NALCN: variants seen among roughly 807,000 people sequenced by gnomAD.
The protein encoded by NALCN is sodium leak channel NALCN.
A neutral mutation model predicts 225.3 loss-of-function variants in NALCN; 111 were observed. The ratio of observed to expected loss-of-function variants is 0.49; its 90% confidence interval spans 0.42 to 0.58. The LOEUF is 0.58. Ranked by LOEUF, NALCN falls within the 20% of genes least tolerant of loss-of-function variation. The pLI is 0.00. For synonymous variants in NALCN, 764 were observed against 769.0 expected (o/e 0.99, Z 0.11); for missense variants, 1,378 against 2,202.4 (o/e 0.63, Z 7.49).
chr13:101,282,987 G>A (rs930648923), intron 10 of NALCN, among the ~76,000 whole-genome samples: 89 of 152,138 alleles, frequency 5.8e-4, no homozygotes, highest in African/African-American at 2.0e-3. Flanking sequence ...CTCATCCCAC[G>A]GCAGATGTGA....
At chr13:101,377,974 C>T (rs1241424197) in intron 4 of NALCN, among the ~76,000 whole-genome samples, 1 of 152,058 alleles carries the variant, frequency 6.6e-6, no homozygotes, top group East Asian at 1.9e-4. Context: ...TTCCCCATCA[C>T]TTATAATAAA....
At chr13:101,121,344 T>A (rs572587098) in intron 18 of NALCN, among the ~76,000 whole-genome samples, 1 of 152,208 alleles carries the variant, frequency 6.6e-6, no homozygotes, top group South Asian at 2.1e-4. Flanking sequence ...CAAATACTTG[T>A]TATTTTTTGG....
chr13:101,134,818 C>T (rs2036691127), intron 17 of NALCN, among the ~76,000 whole-genome samples: 1 of 152,092 alleles, frequency 6.6e-6, no homozygotes, highest in African/African-American at 2.4e-5. Context: ...AATAATGAAA[C>T]TGTGCAAAAA....
Position 101,124,692 on chromosome 13 carries a change from TAA to T in NALCN, c.2119-13_2119-12del, listed in dbSNP as rs750732791. 7.4e-6 allele frequency: 12 copies of T among 1,612,282 alleles called. No individual in the cohort carries two copies. The highest frequency in any genetic ancestry group is 1.3e-5 in the African/African-American group (1 of 74,864). Reference sequence around the variant, plus strand: ...AACAGACTTGCGAAGCTGAAAATGATAAGAGTATGACTTTTAGTTTTGGAATG... The same window carrying T: ...AACAGACTTGCGAAGCTGAAAATGATGAGTATGACTTTTAGTTTTGGAATG... On this transcript the variant is annotated splice_polypyrimidine_tract_variant and intron_variant, in intron 17 of 43. Coordinates refer to ENST00000251127, the MANE Select transcript of NALCN (RefSeq NM_052867.4).
intron 11 of NALCN, among the ~76,000 whole-genome samples, chr13:101,255,708 G>A (rs1445353383): frequency 1.3e-5 from 2 of 152,002 alleles, no homozygotes; most frequent in African/African-American, 4.8e-5. Context: ...TCTCTCCTAC[G>A]TTAAATAATG....
intron 7 of NALCN, among the ~76,000 whole-genome samples, chr13:101,336,206 C>T (rs1241294025): frequency 6.6e-6 from 1 of 152,034 alleles, no homozygotes; most frequent in Admixed American, 6.6e-5. Flanking sequence ...CAGAACTCCA[C>T]CAGTGATGAA....
At chr13:101,354,572 G>C (rs1353363002) in intron 6 of NALCN, among the ~76,000 whole-genome samples, 2 of 152,138 alleles carry the variant, frequency 1.3e-5, no homozygotes, top group South Asian at 2.1e-4. Flanking sequence ...AATGGAAAGG[G>C]GCCACCAGAA....
chr13:101,201,142 G>A (rs1001858690), intron 13 of NALCN, among the ~76,000 whole-genome samples: 3 of 152,074 alleles, frequency 2.0e-5, no homozygotes, highest in Admixed American at 2.0e-4. Context: ...TATGGAAGGG[G>A]TCTATACTAT....
chr13:101,193,544 T>C (rs1249334474), intron 13 of NALCN, among the ~76,000 whole-genome samples: 3 of 152,320 alleles, frequency 2.0e-5, no homozygotes, highest in African/African-American at 7.2e-5. Context: ...GATTTTTCTA[T>C]AATCTCATTA....
At chr13:101,306,367 C>T (rs2139122153) in intron 7 of NALCN, among the ~76,000 whole-genome samples, 1 of 152,290 alleles carries the variant, frequency 6.6e-6, no homozygotes, top group Non-Finnish European at 1.5e-5. Flanking sequence ...CATTTCATGG[C>T]CTCATGTGAC....
At chr13:101,080,747 A>T (rs622710) in intron 34 of NALCN, among the ~76,000 whole-genome samples, 1 of 146,054 alleles carries the variant, frequency 6.8e-6, no homozygotes. Flanking sequence ...AATATATTAC[A>T]TAATTAAATA....
chr13:101,304,494 T>C (rs825901), intron 7 of NALCN, among the ~76,000 whole-genome samples: 16,737 of 151,920 alleles, frequency 0.11, 1,002 homozygotes, highest in African/African-American at 0.16. Context: ...TTTGGCTCTG[T>C]CACCCAGGAT....
chr13:101,326,289 A>G (rs1566578931), intron 7 of NALCN, among the ~76,000 whole-genome samples: 1 of 152,240 alleles, frequency 6.6e-6, no homozygotes, highest in African/African-American at 2.4e-5. Context: ...TTCCAGTGGT[A>G]AACATAGTGC....
At chr13:101,150,888 A>G (rs183811017) in intron 15 of NALCN, among the ~76,000 whole-genome samples, 1 of 152,352 alleles carries the variant, frequency 6.6e-6, no homozygotes, top group Admixed American at 6.5e-5. Flanking sequence ...AACACAGTGT[A>G]GAGAATCCTA....
intron 37 of NALCN, among the ~76,000 whole-genome samples, chr13:101,070,167 C>T (rs566438985): frequency 7.6e-5 from 11 of 145,384 alleles, no homozygotes; most frequent in East Asian, 4.4e-4. Flanking sequence ...CCTGGGCTTA[C>T]GCCATTCTCC....
At chr13:101,225,492 G>A (rs1222383687) in intron 13 of NALCN, among the ~76,000 whole-genome samples, 5 of 152,130 alleles carry the variant, frequency 3.3e-5, no homozygotes, top group Admixed American at 6.5e-5. Flanking sequence ...CAGGCAGACT[G>A]GCCAACTCCT....
chr13:101,366,620 A>G (rs1271851137), intron 6 of NALCN, among the ~76,000 whole-genome samples: 1 of 152,150 alleles, frequency 6.6e-6, no homozygotes, highest in Non-Finnish European at 1.5e-5. Flanking sequence ...GGAGATGTGT[A>G]TAATACATTT....
intron 3 of NALCN, 53 bp from the exon 4 acceptor site, chr13:101,378,706 C>T: frequency 1.4e-6 from 2 of 1,442,044 alleles, no homozygotes; most frequent in Non-Finnish European, 1.9e-6. Flanking sequence ...TTTTAAAGAA[C>T]AATCTGTGGA....
At position 101,104,398 on chromosome 13, in the gene NALCN, A is replaced by T; in HGVS notation, c.2786T>A (p.Met929Lys). 6.2e-7 allele frequency: 1 copy of T among 1,613,768 alleles called. No homozygotes were observed. ...QIAEYVFVIF[M>K]SIELNLKIMA... Reference sequence around the variant, plus strand: ...AATCTTCAGATTAAGCTCAATGCTCATGAATATCACAAACACATACTCAGC... The same window carrying T: ...AATCTTCAGATTAAGCTCAATGCTCTTGAATATCACAAACACATACTCAGC... The change falls in exon 25 of 44, where the codon ATG becomes AAG. Residue 929 changes from methionine (M) to lysine (K), a missense_variant. By Grantham distance (95) the Met-to-Lys change is moderately conservative (BLOSUM62 -1). Coordinates refer to ENST00000251127, the MANE Select transcript of NALCN (RefSeq NM_052867.4). The surrounding 1 kb of genome is among the most constrained non-coding windows in gnomAD (Gnocchi z 4.2).
Sources: allele counts gnomAD v4.1 joint callset (sites outside exome capture counted in the v4.1 genomes callset), GRCh38; gene constraint gnomAD v4.1.1; non-coding constraint Gnocchi (gnomAD v3.1); transcripts MANE v1.5; gene names NCBI Gene and HGNC (gene_info 2026-07-23, HGNC 2026-07-21).